The following RAP1GAP2 variants were observed in gnomAD, a reference collection of about 807,000 sequenced individuals.
RAP1GAP2 encodes the protein rap1 GTPase-activating protein 2.
RAP1GAP2 carries 27 observed loss-of-function variants against 95.0 expected under a neutral mutation model. That is an observed-to-expected ratio of 0.28 (90% CI 0.21 to 0.39). RAP1GAP2 has a LOEUF of 0.39. Ranked by LOEUF, RAP1GAP2 falls within the 10% of genes least tolerant of loss-of-function variation. The pLI is 1.00. For synonymous variants in RAP1GAP2, 373 were observed against 380.9 expected (o/e 0.98, Z 0.24); for missense variants, 771 against 970.0 (o/e 0.79, Z 2.72).
At chr17:2,911,056 C>T (rs937429189) in intron 3 of RAP1GAP2, among the ~76,000 whole-genome samples, 2 of 152,174 alleles carry the variant, frequency 1.3e-5, no homozygotes, top group Non-Finnish European at 2.9e-5. Flanking sequence ...CGGCTCATCT[C>T]ATGCTTGCTC....
chr17:2,963,089 A>G lies in RAP1GAP2; in HGVS notation c.247-341A>G. ...CCCAGGGGTGCCGCTTATCACTTGG[A>G]GGTCAGTCCGCCTGCCTGGAAAGGG... is the stretch of plus-strand genomic sequence containing the variant. On this transcript the variant is annotated intron_variant, in intron 5 of 24. Transcript: ENST00000254695. This position sits in a 1 kb window ranked among gnomAD's most constrained non-coding sequence, Gnocchi z 4.8. 1.9e-6 allele frequency: 1 copy of G among 529,234 alleles called. No individual in the cohort carries two copies. The highest frequency in any genetic ancestry group is 3.4e-6 in the Non-Finnish European group (1 of 298,270). 32.8% of individuals were successfully genotyped at this position (529,234 alleles called of 1,614,324 possible).
chr17:2,998,466 C>T lies in RAP1GAP2; in HGVS notation c.1200+90C>T, dbSNP rs969406318. 143 of 1,420,142 alleles carry T rather than the reference C, an allele frequency of 1.0e-4. No homozygotes were observed. The African/African-American group carries it at 1.8e-3, about 18-fold the overall frequency. 88.0% of individuals were successfully genotyped at this position (1,420,142 alleles called of 1,614,324 possible). A position where few individuals can be genotyped will look rare whatever the true frequency, so the allele number is the denominator to read the frequency against. The stretch of plus-strand genomic sequence containing the variant: ...GATATCAGAGGACACTAGTCCTCAG[C>T]AGTCAGAGATTCTCCATGAGTTTGC... On this transcript the variant is annotated intron_variant, in intron 14 of 24. Coordinates refer to ENST00000254695, the MANE Select transcript of RAP1GAP2 (RefSeq NM_015085.5).
chr17:2,945,948 C>A (rs991950195), intron 3 of RAP1GAP2, among the ~76,000 whole-genome samples: 5 of 152,002 alleles, frequency 3.3e-5, no homozygotes, highest in Non-Finnish European at 7.4e-5. Context: ...TGCCACCACG[C>A]CTGGGTAATT....
At chr17:2,785,341 C>T (rs1336768115) in intron 1 of RAP1GAP2, among the ~76,000 whole-genome samples, 1 of 151,986 alleles carries the variant, frequency 6.6e-6, no homozygotes, top group African/African-American at 2.4e-5. Context: ...CCTCCTGCTG[C>T]CCTCCTGCCC....
chr17:2,956,899 C>CG (rs1400902046), intron 3 of RAP1GAP2, among the ~76,000 whole-genome samples: 3 of 152,060 alleles, frequency 2.0e-5, no homozygotes. Context: ...GAGGCCAAGG[C>CG]GGGAGGATCA....
chr17:2,965,529 TC>T lies in RAP1GAP2; in HGVS notation c.493-10del. The T allele has an allele frequency of 6.2e-7, 1 of 1,602,066 alleles. No homozygotes were observed. The highest frequency in any genetic ancestry group is 8.5e-7 in the Non-Finnish European group (1 of 1,173,426). On this transcript the variant is annotated splice_polypyrimidine_tract_variant and intron_variant, in intron 7 of 24. Coordinates refer to ENST00000254695, the MANE Select transcript of RAP1GAP2 (RefSeq NM_015085.5). The surrounding 1 kb of genome is among the most constrained non-coding windows in gnomAD (Gnocchi z 4.7). ...TCCTCCTTCCTGCTCACACTCAGTT[TC>T]TTTTTTTAGGATCATCTAAACTTTT...
In RAP1GAP2 at chr17:3,036,296, C is replaced by T. The variant is rs998970630; in HGVS notation, c.*2935C>T. On this transcript the variant is annotated 3_prime_UTR_variant, in exon 25 of 25. Coordinates refer to ENST00000254695, the MANE Select transcript of RAP1GAP2 (RefSeq NM_015085.5). ...TAGCCCAGGTGAGGGGAGTAACTTG[C>T]TTGAGGTCACACAGCTGGCTGTTGG... The T allele has an allele frequency of 6.6e-5, 10 of 152,206 alleles. No homozygotes were observed. Among genetic ancestry groups the T allele is most frequent in the African/African-American group, 1.9e-4 (8 of 41,438 alleles). 9.4% of individuals were successfully genotyped at this position (152,206 alleles called of 1,614,324 possible).
At chr17:2,982,610 T>C (rs1368124156) in intron 10 of RAP1GAP2, among the ~76,000 whole-genome samples, 4 of 152,132 alleles carry the variant, frequency 2.6e-5, no homozygotes, top group Admixed American at 2.6e-4. Context: ...TATGCTACGC[T>C]TCATTGAACA....
At chr17:2,887,408 CTTG>C (rs1347048360) in intron 2 of RAP1GAP2, among the ~76,000 whole-genome samples, 1 of 148,460 alleles carries the variant, frequency 6.7e-6, no homozygotes, top group Non-Finnish European at 1.5e-5. Context: ...GAGTTTCGCT[CTTG>C]TTGTCCAAGC....
At chr17:2,899,298 G>A (rs954772308) in intron 2 of RAP1GAP2, among the ~76,000 whole-genome samples, 2 of 151,624 alleles carry the variant, frequency 1.3e-5, no homozygotes, top group Non-Finnish European at 2.9e-5. Flanking sequence ...TCCGCCTTCC[G>A]GGAGCTTCCG....
In RAP1GAP2 at chr17:2,827,157, C is replaced by T. The variant is rs368484773; in HGVS notation, c.80+26607C>T. 1.3e-5 allele frequency among the ~76,000 whole-genome samples: 2 copies of T among 152,136 alleles called. No homozygotes were observed. The highest frequency in any genetic ancestry group is 4.8e-5 in the African/African-American group (2 of 41,430). ...CTAGTAGCAGAGAAGATGATGCCTT[C>T]GGCCTTGAGTGTGGTGCGTTTGAGG... On this transcript the variant is annotated intron_variant, in intron 2 of 24. Transcript: ENST00000254695. The surrounding 1 kb of genome is among the most constrained non-coding windows in gnomAD (Gnocchi z 4.1).
chr17:2,899,327 C>A (rs2151717300), intron 2 of RAP1GAP2, among the ~76,000 whole-genome samples: 1 of 152,272 alleles, frequency 6.6e-6, no homozygotes, highest in East Asian at 1.9e-4. Flanking sequence ...CTGCCTCAGC[C>A]TCTCGAGTAG....
At chr17:2,856,015 C>T (rs1031971266) in intron 2 of RAP1GAP2, among the ~76,000 whole-genome samples, 13 of 152,220 alleles carry the variant, frequency 8.5e-5, no homozygotes, top group Non-Finnish European at 7.3e-5. Flanking sequence ...ATGCCAGCGA[C>T]ATGTGTGTCT....
intron 17 of RAP1GAP2, among the ~76,000 whole-genome samples, chr17:3,010,578 G>T (rs1321790500): frequency 1.3e-5 from 2 of 152,156 alleles, no homozygotes; most frequent in Non-Finnish European, 2.9e-5. Context: ...AAATACAGGT[G>T]GCAGGTATAA....
intron 8 of RAP1GAP2, among the ~76,000 whole-genome samples, chr17:2,976,167 G>A (rs562488041): frequency 2.0e-5 from 3 of 152,294 alleles, no homozygotes; most frequent in Non-Finnish European, 2.9e-5. Context: ...CTGAGAACCC[G>A]GTGGATTGAG....
Position 2,984,828 on chromosome 17 carries a change from CTTA to C in RAP1GAP2, c.730-149_730-147del, listed in dbSNP as rs67769262. 7.5e-3 allele frequency among the ~76,000 whole-genome samples: 1,139 copies of C among 152,240 alleles called. 14 individuals carry two copies. Among genetic ancestry groups the C allele is most frequent in the African/African-American group, 0.025 (1,045 of 41,536 alleles). ...TTTGGAGCTGCGGCCTGACTGTCTACTTATTATTTCTCTCTCTCTCCCTCCGTG... is the reference window on the plus strand; with the variant it reads ...TTTGGAGCTGCGGCCTGACTGTCTACTTATTTCTCTCTCTCTCCCTCCGTG... On this transcript the variant is annotated intron_variant, in intron 10 of 24. Transcript: ENST00000254695.
chr17:2,775,578 C>G (rs1206531241), upstream of RAP1GAP2, among the ~76,000 whole-genome samples: 1 of 152,156 alleles, frequency 6.6e-6, no homozygotes, highest in Non-Finnish European at 1.5e-5. Flanking sequence ...GCCATTGTAG[C>G]TAGAGCAGAG....
chr17:2,883,716 G>A (rs1335412230), intron 2 of RAP1GAP2, among the ~76,000 whole-genome samples: 1 of 152,164 alleles, frequency 6.6e-6, no homozygotes, highest in East Asian at 1.9e-4. Context: ...TTTGAGCTCT[G>A]GGCATGAGTC....
intron 3 of RAP1GAP2, among the ~76,000 whole-genome samples, chr17:2,915,792 A>G (rs8070724): frequency 0.8 from 121,387 of 152,006 alleles, 49,107 homozygotes; most frequent in African/African-American, 0.94. Flanking sequence ...CTGCTTCCTG[A>G]GTTCAAGCGA....
Sources: allele counts gnomAD v4.1 joint callset (sites outside exome capture counted in the v4.1 genomes callset), GRCh38; gene constraint gnomAD v4.1.1; non-coding constraint Gnocchi (gnomAD v3.1); transcripts MANE v1.5; gene names NCBI Gene and HGNC (gene_info 2026-07-23, HGNC 2026-07-21).